Variants in NEMP2 observed in about 807,000 individuals in gnomAD.
The protein encoded by NEMP2 is nuclear envelope integral membrane protein 2, also known as UPF0571 transmembrane protein.
NEMP2 carries 53 observed loss-of-function variants against 54.2 expected under a neutral mutation model. The ratio of observed to expected loss-of-function variants is 0.98; its 90% CI spans 0.78 to 1.23. NEMP2 has a LOEUF of 1.23. Ranked by LOEUF, NEMP2 falls within the 50% of genes most tolerant of loss-of-function variation. The pLI is 0.00. For synonymous variants in NEMP2, 197 were observed against 190.3 expected, an observed-to-expected ratio of 1.04 and a Z score of -0.29; for missense variants, 455 against 511.3, an observed-to-expected ratio of 0.89 and a Z score of 1.06.
the NEMP2 span, among the ~76,000 whole-genome samples, chr2:190,472,949 A>G: frequency 6.6e-6 from 1 of 152,262 alleles, no homozygotes; most frequent in Non-Finnish European, 1.5e-5. Flanking sequence ...CTTAAAGGAA[A>G]GAATTTTCAA....
At position 190,521,999 on chromosome 2, in the gene NEMP2, C is replaced by A. The variant is rs919305765; in HGVS notation, c.214-2816G>T. On this transcript the variant is annotated intron_variant, in intron 2 of 8. Coordinates refer to ENST00000409150, the MANE Select transcript of NEMP2 (RefSeq NM_001142645.2). This position sits in a 1 kb window ranked among gnomAD's most constrained non-coding sequence, Gnocchi z 6.2. ...CTATATAAATATGCATCGCTAATTA[C>A]TTTGCAAAAAAAGACACAGGAAAGA... 6.6e-6 allele frequency among the ~76,000 whole-genome samples: 1 copy of A among 152,004 alleles called. No individual in the cohort carries two copies.
chr2:190,548,726 A>G, the NEMP2 span, among the ~76,000 whole-genome samples: 3 of 152,266 alleles, frequency 2.0e-5, no homozygotes, highest in African/African-American at 7.2e-5. Context: ...TCTATCATGA[A>G]GTAAAACAGA....
chr2:190,610,715 G>A, the NEMP2 span: 1 of 152,276 alleles, frequency 6.6e-6, no homozygotes, highest in Non-Finnish European at 1.5e-5. This position sits in a 1 kb window ranked among gnomAD's most constrained non-coding sequence, Gnocchi z 5.4. Flanking sequence ...TTGGAATCAG[G>A]TAGAGAGAAA....
the NEMP2 span, chr2:190,609,936 A>G: frequency 6.6e-6 from 1 of 152,210 alleles, no homozygotes; most frequent in African/African-American, 2.4e-5. This position sits in a 1 kb window ranked among gnomAD's most constrained non-coding sequence, Gnocchi z 4.7. Flanking sequence ...GTTTTCTTCT[A>G]AAGTTTAAGT....
the NEMP2 span, among the ~76,000 whole-genome samples, chr2:190,496,909 G>A: frequency 1.3e-5 from 2 of 152,164 alleles, no homozygotes; most frequent in African/African-American, 4.8e-5. The surrounding 1 kb of genome is among the most constrained non-coding windows in gnomAD (Gnocchi z 4.7). Context: ...GGGACTCAGG[G>A]GAAAGGGTGG....
At chr2:190,483,407 CTAATA>C in the NEMP2 span, among the ~76,000 whole-genome samples, 2 of 152,308 alleles carry the variant, frequency 1.3e-5, no homozygotes, top group Admixed American at 1.3e-4. Context: ...GACAAGGCAT[CTAATA>C]TCTCTGTGCC....
At chr2:190,581,486 C>T in the NEMP2 span, among the ~76,000 whole-genome samples, 1 of 152,124 alleles carries the variant, frequency 6.6e-6, no homozygotes. Flanking sequence ...TTAATAGCTA[C>T]TTTATATGCT....
the NEMP2 span, among the ~76,000 whole-genome samples, chr2:190,606,405 AG>A: frequency 8.5e-5 from 13 of 152,210 alleles, no homozygotes; most frequent in African/African-American, 3.1e-4. Flanking sequence ...CTGCCTCCTA[AG>A]GTTGCTGTGA....
the NEMP2 span, among the ~76,000 whole-genome samples, chr2:190,429,083 G>A: frequency 6.6e-6 from 1 of 151,890 alleles, no homozygotes; most frequent in African/African-American, 2.4e-5. Context: ...ATATTTATTG[G>A]CCATTTGTAT....
At chr2:190,437,897 A>T in the NEMP2 span, among the ~76,000 whole-genome samples, 1 of 152,320 alleles carries the variant, frequency 6.6e-6, no homozygotes, top group Non-Finnish European at 1.5e-5. This position sits in a 1 kb window ranked among gnomAD's most constrained non-coding sequence, Gnocchi z 5.9. Flanking sequence ...ATATTATTCC[A>T]TGGAGGGTCC....
chr2:190,605,185 G>A, the NEMP2 span, among the ~76,000 whole-genome samples: 4 of 151,824 alleles, frequency 2.6e-5, no homozygotes, highest in Non-Finnish European at 5.9e-5. Context: ...ATTTAATTAC[G>A]TCATTCTCTT....
At chr2:190,622,419 C>T in the NEMP2 span, among the ~76,000 whole-genome samples, 1 of 138,354 alleles carries the variant, frequency 7.2e-6, no homozygotes, top group African/African-American at 2.7e-5. Flanking sequence ...AGTGCAGTCT[C>T]TTAAAAAAAA....
At chr2:190,591,295 T>C in the NEMP2 span, among the ~76,000 whole-genome samples, 1 of 152,184 alleles carries the variant, frequency 6.6e-6, no homozygotes, top group Non-Finnish European at 1.5e-5. This position sits in a 1 kb window ranked among gnomAD's most constrained non-coding sequence, Gnocchi z 5.4. Flanking sequence ...AAAGATTGTC[T>C]GCAGCTCAAA....
chr2:190,471,566 C>A, the NEMP2 span, among the ~76,000 whole-genome samples: 1 of 152,204 alleles, frequency 6.6e-6, no homozygotes, highest in African/African-American at 2.4e-5. The surrounding 1 kb of genome is among the most constrained non-coding windows in gnomAD (Gnocchi z 4.7). Flanking sequence ...ATTGCTGAGG[C>A]TTGAGTAGGT....
chr2:190,443,471 T>C, the NEMP2 span, among the ~76,000 whole-genome samples: 5 of 152,216 alleles, frequency 3.3e-5, no homozygotes, highest in African/African-American at 1.2e-4. The surrounding 1 kb of genome is among the most constrained non-coding windows in gnomAD (Gnocchi z 4.2). Context: ...CAGTCTGATA[T>C]ATTATGCTGT....
the NEMP2 span, among the ~76,000 whole-genome samples, chr2:190,642,462 C>A: frequency 6.6e-6 from 1 of 152,076 alleles, no homozygotes; most frequent in African/African-American, 2.4e-5. This position sits in a 1 kb window ranked among gnomAD's most constrained non-coding sequence, Gnocchi z 4.1. Context: ...TTCAGAAGAG[C>A]AGCTACTTTT....
Position 190,527,792 on chromosome 2 carries a change from T to C in NEMP2, c.98-2414A>G, listed in dbSNP as rs903389845. Among the ~76,000 whole-genome samples, 1 of 152,098 alleles carries C rather than the reference T, an allele frequency of 6.6e-6. No individual in the cohort carries two copies. The highest frequency in any genetic ancestry group is 2.4e-5 in the African/African-American group (1 of 41,402). On this transcript the variant is annotated intron_variant, in intron 1 of 8. Coordinates refer to ENST00000409150, the MANE Select transcript of NEMP2 (RefSeq NM_001142645.2). This position sits in a 1 kb window ranked among gnomAD's most constrained non-coding sequence, Gnocchi z 4.0. ...TCAGATCAGCAGTGGCATTAGATTA[T>C]CATAGGAGCGTGAACCTTACTGTGA... is the stretch of plus-strand genomic sequence containing the variant.
the NEMP2 span, among the ~76,000 whole-genome samples, chr2:190,558,206 G>A: frequency 4.6e-5 from 7 of 152,218 alleles, no homozygotes; most frequent in South Asian, 8.3e-4. This position sits in a 1 kb window ranked among gnomAD's most constrained non-coding sequence, Gnocchi z 4.4. Context: ...ATCATTCTCA[G>A]CAAACTAACA....
chr2:190,632,305 T>G, the NEMP2 span, among the ~76,000 whole-genome samples: 2 of 152,192 alleles, frequency 1.3e-5, no homozygotes, highest in East Asian at 3.9e-4. This position sits in a 1 kb window ranked among gnomAD's most constrained non-coding sequence, Gnocchi z 4.8. Context: ...GGCCCCAACC[T>G]GGGGTCCTAC....
Sources: allele counts gnomAD v4.1 joint callset (sites outside exome capture counted in the v4.1 genomes callset), GRCh38; gene constraint gnomAD v4.1.1; non-coding constraint Gnocchi (gnomAD v3.1); transcripts MANE v1.5; gene names NCBI Gene and HGNC (gene_info 2026-07-23, HGNC 2026-07-21).